DUSP11: variants seen among roughly 807,000 people sequenced by gnomAD.
DUSP11 encodes dual specificity phosphatase 11.
A neutral mutation model predicts 41.4 loss-of-function variants in DUSP11; 27 were observed. That is an observed-to-expected ratio of 0.65 (90% confidence interval 0.48 to 0.90). The LOEUF (loss-of-function observed/expected upper bound fraction) is 0.90. Among genes scored for constraint, DUSP11 ranks in the 40% least tolerant of loss-of-function variants. The pLI, the probability that DUSP11 is intolerant of heterozygous loss-of-function variation, is 0.00. For synonymous variants in DUSP11, 188 were observed against 159.3 expected (o/e 1.18, Z -1.35); for missense variants, 465 against 461.1 (o/e 1.01, Z -0.08).
At chr2:73,776,744 CTGTT>C (rs1469085307) in intron 2 of DUSP11, among the ~76,000 whole-genome samples, 3 of 152,092 alleles carry the variant, frequency 2.0e-5, no homozygotes. Context: ...TTTTCTGAGC[CTGTT>C]TGATTATCTA....
chr2:73,764,531 A>G (rs777001710), intron 8 of DUSP11, among the ~76,000 whole-genome samples: 3 of 152,230 alleles, frequency 2.0e-5, no homozygotes, highest in Non-Finnish European at 4.4e-5. Flanking sequence ...TATTATTAAA[A>G]TATCTATCTG....
intron 4 of DUSP11, 70 bp from the exon 5 acceptor site, chr2:73,769,395 G>C (rs908305300): frequency 4.6e-6 from 5 of 1,091,240 alleles, no homozygotes; most frequent in Non-Finnish European, 5.5e-6. Context: ...TCACTGCCCT[G>C]AAAATGAATA....
chr2:73,769,676 C>G (rs112205500), intron 4 of DUSP11, among the ~76,000 whole-genome samples: 2,166 of 152,252 alleles, frequency 0.014, 66 homozygotes, highest in African/African-American at 0.049. Flanking sequence ...GTTTCTGAAT[C>G]AAACAAATAA....
At chr2:73,770,405 C>T (rs940549255) in intron 4 of DUSP11, among the ~76,000 whole-genome samples, 2 of 151,624 alleles carry the variant, frequency 1.3e-5, no homozygotes, top group Non-Finnish European at 2.9e-5. Context: ...ATCCCAGCTA[C>T]TCGGGAGGCT....
intron 1 of DUSP11, among the ~76,000 whole-genome samples, 169 bp from the exon 2 acceptor site, chr2:73,778,545 C>T (rs1000530558): frequency 1.3e-5 from 2 of 152,082 alleles, no homozygotes; most frequent in East Asian, 1.9e-4. Context: ...CGACCTATAC[C>T]GTCCTTCTCT....
chr2:73,779,415 G>A (rs1429222079), intron 1 of DUSP11: 1 of 180,672 alleles, frequency 5.5e-6, no homozygotes, highest in East Asian at 1.4e-4. Flanking sequence ...TTTCAAATGA[G>A]GCCTGTTAGG....
chr2:73,780,040 T>G (rs773502518), exon 1 of DUSP11: 3 of 1,613,480 alleles, frequency 1.9e-6, no homozygotes, highest in Non-Finnish European at 1.7e-6. Context: ...GCGCCCTCAA[T>G]GCCAGGATAA....
intron 8 of DUSP11, among the ~76,000 whole-genome samples, chr2:73,765,790 T>C (rs1672449560): frequency 6.6e-6 from 1 of 152,230 alleles, no homozygotes; most frequent in Non-Finnish European, 1.5e-5. Flanking sequence ...ATAACAATCT[T>C]CCTTATTCTA....
chr2:73,778,413 T>C, intron 1 of DUSP11, 37 bp from the exon 2 acceptor site: 1 of 1,346,922 alleles, frequency 7.4e-7, no homozygotes, highest in Non-Finnish European at 1.0e-6. Flanking sequence ...AATTGTATGT[T>C]AGCCTTGTTT....
chr2:73,766,678 TAAC>T, intron 7 of DUSP11, 84 bp from the exon 8 acceptor site: 5 of 1,446,678 alleles, frequency 3.5e-6, no homozygotes, highest in Non-Finnish European at 4.7e-6. Context: ...CATATGAAAA[TAAC>T]AATTTCTTCC....
At chr2:73,769,629 G>A (rs569974567) in intron 4 of DUSP11, among the ~76,000 whole-genome samples, 76 of 152,330 alleles carry the variant, frequency 5.0e-4, no homozygotes, top group African/African-American at 1.8e-3. Flanking sequence ...CAAAAAGGGA[G>A]TGAAAGCAAC....
chr2:73,775,370 C>CT (rs60660160), intron 2 of DUSP11, among the ~76,000 whole-genome samples: 1,418 of 127,342 alleles, frequency 0.011, 25 homozygotes, highest in East Asian at 0.049. Flanking sequence ...TATTTCTTTT[C>CT]TTTTTTTTTT....
At chr2:73,773,864 A>G in exon 4 of DUSP11, 3 of 1,606,014 alleles carry the variant, frequency 1.9e-6, no homozygotes, top group Non-Finnish European at 2.6e-6. Flanking sequence ...TAGTCTCATC[A>G]TCAGGCACTT....
chr2:73,766,773 C>A, intron 7 of DUSP11, 55 bp downstream of exon 7: 1 of 1,475,366 alleles, frequency 6.8e-7, no homozygotes, highest in South Asian at 1.2e-5. Flanking sequence ...ACTTAAATTA[C>A]ATAAACAGAG....
intron 5 of DUSP11, chr2:73,768,726 G>A (rs1357056529): frequency 1.1e-6 from 1 of 881,260 alleles, no homozygotes; most frequent in Non-Finnish European, 1.4e-6. Context: ...GGAGGCCGAG[G>A]CGGGTGGATC....
chr2:73,764,247 T>G (rs1259865537), intron 8 of DUSP11, among the ~76,000 whole-genome samples: 1 of 152,240 alleles, frequency 6.6e-6, no homozygotes, highest in Non-Finnish European at 1.5e-5. Context: ...ACATGTTTTT[T>G]GAAATGTTTG....
intron 4 of DUSP11, among the ~76,000 whole-genome samples, chr2:73,771,180 G>A (rs1414071272): frequency 6.6e-6 from 1 of 152,038 alleles, no homozygotes; most frequent in Non-Finnish European, 1.5e-5. Context: ...AGTATATAAG[G>A]GCAAGGACTT....
intron 8 of DUSP11, among the ~76,000 whole-genome samples, chr2:73,765,179 C>G (rs375660298): frequency 2.0e-5 from 3 of 151,986 alleles, no homozygotes; most frequent in Non-Finnish European, 4.4e-5. Flanking sequence ...CCTCAGTTTG[C>G]GTAGGTACCA....
At chr2:73,778,310 A>G in exon 2 of DUSP11, 1 of 1,571,862 alleles carries the variant, frequency 6.4e-7, no homozygotes, top group Non-Finnish European at 8.6e-7. Context: ...CCTTTTGCAA[A>G]GGAACTTTGA....
Sources: allele counts gnomAD v4.1 joint callset (sites outside exome capture counted in the v4.1 genomes callset), GRCh38; gene constraint gnomAD v4.1.1; transcripts MANE v1.5; gene names NCBI Gene and HGNC (gene_info 2026-07-23, HGNC 2026-07-21).